Variants in LRP1B observed in about 807,000 individuals in gnomAD.
LRP1B encodes LDL receptor related protein 1B, also known as low-density lipoprotein receptor-related protein 1B.
Under a neutral mutation model 556.6 loss-of-function variants are expected in LRP1B, and 217 were observed. The observed-to-expected ratio is 0.39, with a 90% CI of 0.35 to 0.44. The LOEUF is 0.44. Among genes scored for constraint, LRP1B ranks in the 20% least tolerant of loss-of-function variants. The pLI, the probability that LRP1B is intolerant of heterozygous loss-of-function variation, is 1.00. For missense variants in LRP1B, 5,053 were observed against 5,620.8 expected (o/e 0.90, Z 3.23); for synonymous variants, 2,047 against 1,865.8 (o/e 1.10, Z -2.50).
intron 2 of LRP1B, among the ~76,000 whole-genome samples, chr2:141,722,873 C>G (rs1407641759): frequency 4.6e-5 from 7 of 152,042 alleles, no homozygotes; most frequent in Non-Finnish European, 8.8e-5. Flanking sequence ...GCTTATTCAT[C>G]CAAGTAAGCG....
At chr2:141,706,195 G>A (rs1332632809) in intron 2 of LRP1B, among the ~76,000 whole-genome samples, 2 of 151,912 alleles carry the variant, frequency 1.3e-5, no homozygotes, top group Admixed American at 1.3e-4. Context: ...CATTCTCAGT[G>A]GAACACTTAC....
At chr2:141,880,769 A>G (rs1218651519) in intron 1 of LRP1B, among the ~76,000 whole-genome samples, 3 of 152,094 alleles carry the variant, frequency 2.0e-5, no homozygotes, top group African/African-American at 7.2e-5. Context: ...AGAGCTAGTG[A>G]TGTCTTCTAC....
At chr2:140,871,824 C>T (rs1693138553) in intron 25 of LRP1B, among the ~76,000 whole-genome samples, 1 of 152,072 alleles carries the variant, frequency 6.6e-6, no homozygotes, top group Non-Finnish European at 1.5e-5. Context: ...GGTTTTGTTC[C>T]TATATCAAGC....
intron 60 of LRP1B, among the ~76,000 whole-genome samples, chr2:140,472,825 G>T (rs190815336): frequency 6.6e-6 from 1 of 152,144 alleles, no homozygotes; most frequent in African/African-American, 2.4e-5. Flanking sequence ...AAGGGCTGTT[G>T]TTCTGAAAAG....
chr2:140,815,877 T>A (rs1412955000), intron 31 of LRP1B, among the ~76,000 whole-genome samples: 1 of 151,628 alleles, frequency 6.6e-6, no homozygotes, highest in African/African-American at 2.4e-5. Context: ...CTTTTTTTTT[T>A]TTTTTTGGAT....
intron 86 of LRP1B, among the ~76,000 whole-genome samples, chr2:140,250,135 C>T (rs1273157990): frequency 6.6e-6 from 1 of 151,822 alleles, no homozygotes; most frequent in African/African-American, 2.4e-5. Flanking sequence ...CCCTGCTAGG[C>T]AATCTTTTCT....
At chr2:141,370,319 T>C (rs900929599) in intron 3 of LRP1B, among the ~76,000 whole-genome samples, 5 of 152,162 alleles carry the variant, frequency 3.3e-5, no homozygotes, top group African/African-American at 1.2e-4. Context: ...TGTTAATTTT[T>C]TGTCTTTTTA....
rs761694211 is a variant in LRP1B at position 140,541,851 on chromosome 2, T to C, written c.7315A>G (p.Thr2439Ala). 1.2e-6 allele frequency: 2 copies of C among 1,612,902 alleles called. No individual in the cohort carries two copies. The highest frequency in any genetic ancestry group is 1.7e-6 in the Non-Finnish European group (2 of 1,179,170). The change falls in exon 44 of 91, where the codon ACA (threonine) becomes GCA (alanine). Residue 2439 changes from threonine (T) to alanine (A), a missense_variant. Thr to Ala is a moderately conservative substitution (Grantham distance 58). Coordinates refer to ENST00000389484, the MANE Select transcript of LRP1B (RefSeq NM_018557.3). Reference protein sequence around the residue: ...LRSNKYTGGDTKILRSDIPHQ... With the variant: ...LRSNKYTGGDAKILRSDIPHQ... Reference sequence around the variant, plus strand: ...GGAATATCGGAACGAAGAATTTTTGTATCTCCTCCTGTGTACTTGTTGGAC... The same window carrying C: ...GGAATATCGGAACGAAGAATTTTTGCATCTCCTCCTGTGTACTTGTTGGAC...
intron 7 of LRP1B, among the ~76,000 whole-genome samples, chr2:141,117,841 G>A (rs929614197): frequency 6.6e-6 from 1 of 151,894 alleles, no homozygotes; most frequent in Admixed American, 6.6e-5. Context: ...TATATTATTT[G>A]TTTCTAAGTC....
chr2:140,423,975 GAAT>G (rs1328722533), intron 66 of LRP1B, among the ~76,000 whole-genome samples: 1 of 152,098 alleles, frequency 6.6e-6, no homozygotes, highest in Non-Finnish European at 1.5e-5. Flanking sequence ...TTCTGTTAAT[GAAT>G]AATGTTTACT....
At chr2:141,472,825 AT>A (rs938943416) in intron 3 of LRP1B, among the ~76,000 whole-genome samples, 12 of 145,918 alleles carry the variant, frequency 8.2e-5, no homozygotes, top group Middle Eastern at 3.5e-3. Context: ...AAAATTTACA[AT>A]TTTTTTTTGT....
intron 35 of LRP1B, among the ~76,000 whole-genome samples, chr2:140,737,328 G>T (rs1223514459): frequency 6.6e-6 from 1 of 152,148 alleles, no homozygotes; most frequent in African/African-American, 2.4e-5. Context: ...ATATGTTGAG[G>T]ATTACTGGAC....
At chr2:141,437,473 A>G (rs1315460443) in intron 3 of LRP1B, among the ~76,000 whole-genome samples, 1 of 152,060 alleles carries the variant, frequency 6.6e-6, no homozygotes, top group Non-Finnish European at 1.5e-5. Flanking sequence ...ACCGTATGTA[A>G]AGAAACTCAA....
chr2:140,557,052 T>C (rs10171840), intron 43 of LRP1B, among the ~76,000 whole-genome samples: 75,137 of 151,936 alleles, frequency 0.49, 18,896 homozygotes, highest in South Asian at 0.59. Flanking sequence ...ACATGACTAT[T>C]TGCATTTTCA....
chr2:141,663,249 A>G (rs181991272), intron 2 of LRP1B, among the ~76,000 whole-genome samples: 3 of 152,246 alleles, frequency 2.0e-5, no homozygotes, highest in African/African-American at 7.2e-5. Flanking sequence ...GATCTCAAGT[A>G]AACATCCTAA....
chr2:140,692,104 G>C (rs1686263967), intron 41 of LRP1B, among the ~76,000 whole-genome samples: 1 of 151,992 alleles, frequency 6.6e-6, no homozygotes, highest in Admixed American at 6.6e-5. Context: ...AGTACAGGGA[G>C]TTGCCTTCTG....
At chr2:141,980,128 C>G (rs1702002407) in intron 1 of LRP1B, among the ~76,000 whole-genome samples, 1 of 152,068 alleles carries the variant, frequency 6.6e-6, no homozygotes, top group African/African-American at 2.4e-5. Context: ...GCCTAAGAAA[C>G]AGAAGCTGAA....
At chr2:141,392,460 T>TAAAAAAA (rs10636398) in intron 3 of LRP1B, among the ~76,000 whole-genome samples, 14 of 96,062 alleles carry the variant, frequency 1.5e-4, no homozygotes, top group African/African-American at 3.6e-4. Context: ...TGTCCTCTCT[T>TAAAAAAA]AAAAAAAAAA....
At chr2:141,464,594 A>ATTTTTTTT (rs1559084708) in intron 3 of LRP1B, among the ~76,000 whole-genome samples, 1 of 34,772 alleles carries the variant, frequency 2.9e-5, no homozygotes, top group African/African-American at 6.2e-5. Flanking sequence ...GTATATATAT[A>ATTTTTTTT]TATATATATA....
Sources: allele counts gnomAD v4.1 joint callset (sites outside exome capture counted in the v4.1 genomes callset), GRCh38; gene constraint gnomAD v4.1.1; transcripts MANE v1.5; gene names NCBI Gene and HGNC (gene_info 2026-07-23, HGNC 2026-07-21).